The following ZMYND8 variants were observed in gnomAD, a reference collection of about 807,000 sequenced individuals.
ZMYND8 encodes zinc finger MYND-type containing 8, also known as MYND-type zinc finger-containing chromatin reader ZMYND8.
ZMYND8 carries 37 observed loss-of-function variants against 140.8 expected under a neutral mutation model. That is an observed-to-expected ratio of 0.26 (90% CI 0.20 to 0.35). The LOEUF (loss-of-function observed/expected upper bound fraction) is 0.35, where lower values mean the gene tolerates loss of function less well. Among genes scored for constraint, ZMYND8 ranks in the 10% least tolerant of loss-of-function variants. The pLI is 1.00. For synonymous variants in ZMYND8, 592 were observed against 597.1 expected, an observed-to-expected ratio of 0.99 and a Z score of 0.12; for missense variants, 1,068 against 1,570.0, an observed-to-expected ratio of 0.68 and a Z score of 5.40.
chr20:47,296,895 G>A (rs949212220), intron 4 of ZMYND8, among the ~76,000 whole-genome samples: 1 of 152,166 alleles, frequency 6.6e-6, no homozygotes, highest in African/African-American at 2.4e-5. Flanking sequence ...GGTCAGGGCT[G>A]CAGTGAGCAA....
At chr20:47,295,973 G>A (rs980968943) in intron 4 of ZMYND8, among the ~76,000 whole-genome samples, 1 of 152,030 alleles carries the variant, frequency 6.6e-6, no homozygotes, top group South Asian at 2.1e-4. Flanking sequence ...CCTCCAAAAG[G>A]AACTCTCAGA....
intron 3 of ZMYND8, among the ~76,000 whole-genome samples, chr20:47,303,009 A>C (rs1004171345): frequency 6.6e-6 from 1 of 152,136 alleles, no homozygotes; most frequent in Admixed American, 6.5e-5. Context: ...TAATACTCTA[A>C]CACCCTCACA....
intron 2 of ZMYND8, among the ~76,000 whole-genome samples, chr20:47,312,030 C>G (rs539477879): frequency 6.6e-6 from 1 of 152,096 alleles, no homozygotes; most frequent in Non-Finnish European, 1.5e-5. Context: ...TCCTGAGGAA[C>G]GAAAGCTACA....
chr20:47,252,383 A>G (rs914541754), intron 12 of ZMYND8, among the ~76,000 whole-genome samples: 79 of 151,812 alleles, frequency 5.2e-4, no homozygotes, highest in Admixed American at 5.2e-3. Context: ...CAAATGTGAC[A>G]GCAAAGGGGG....
At chr20:47,297,978 A>G (rs1002617020) in intron 4 of ZMYND8, among the ~76,000 whole-genome samples, 2 of 152,032 alleles carry the variant, frequency 1.3e-5, no homozygotes, top group Admixed American at 1.3e-4. Context: ...TTGTCCCCCA[A>G]ATGGCTGCAT....
intron 16 of ZMYND8, among the ~76,000 whole-genome samples, chr20:47,231,526 T>G (rs1245832724): frequency 6.6e-6 from 1 of 152,188 alleles, no homozygotes; most frequent in Non-Finnish European, 1.5e-5. Flanking sequence ...AAATACCCAT[T>G]CATCTTATTT....
At chr20:47,329,738 G>C (rs1300825663) in intron 2 of ZMYND8, among the ~76,000 whole-genome samples, 2 of 152,170 alleles carry the variant, frequency 1.3e-5, no homozygotes, top group East Asian at 3.9e-4. Context: ...CGTACAGCTA[G>C]TGGCGACTGT....
Position 47,347,888 on chromosome 20 carries a change from A to G in ZMYND8, c.53T>C (p.Val18Ala). 6.2e-7 allele frequency: 1 copy of G among 1,614,026 alleles called. No individual in the cohort carries two copies. Among genetic ancestry groups the G allele is most frequent in the Non-Finnish European group, 8.5e-7 (1 of 1,180,032 alleles). ...GCGAGTAGAGATATCCATGCCCTCT[A>G]CCACCTCCTGTTCTGTTTTTATTTC... ...EEEIKTEQEVVEGMDISTRSK... is the reference protein window; with the variant it reads ...EEEIKTEQEVAEGMDISTRSK... The change falls in exon 2 of 23, where the codon GTA (valine) becomes GCA (alanine). Residue 18 changes from valine (V) to alanine (A), a missense_variant. Transcript: ENST00000471951.
chr20:47,297,372 C>T (rs1376754696), intron 4 of ZMYND8, among the ~76,000 whole-genome samples: 1 of 152,082 alleles, frequency 6.6e-6, no homozygotes, highest in Non-Finnish European at 1.5e-5. Context: ...ATGATCTTTC[C>T]ATTTCACACA....
At chr20:47,222,836 C>G (rs1198000045) in intron 19 of ZMYND8, among the ~76,000 whole-genome samples, 2 of 152,374 alleles carry the variant, frequency 1.3e-5, no homozygotes, top group East Asian at 3.9e-4. Flanking sequence ...CAAGAGCTGG[C>G]AAGCTAGTGC....
intron 22 of ZMYND8, 26 bp from the exon 23 acceptor site, chr20:47,210,923 G>A (rs748267620): frequency 1.9e-6 from 3 of 1,607,198 alleles, no homozygotes; most frequent in East Asian, 2.2e-5. Flanking sequence ...AATGTGTTTA[G>A]CGTGCCTGCC....
At position 47,344,559 on chromosome 20, in the gene ZMYND8, T is replaced by C. The variant is rs555393039; in HGVS notation, c.85+3297A>G. On this transcript the variant is annotated intron_variant, in intron 2 of 22. Coordinates refer to ENST00000471951, the MANE Select transcript of ZMYND8 (RefSeq NM_001281775.3). ...GACAACTAAATGTAATGAGGAATCCTGAGTGGGATTCTAAAACGGAAAAGG... is the reference window on the plus strand; with the variant it reads ...GACAACTAAATGTAATGAGGAATCCCGAGTGGGATTCTAAAACGGAAAAGG... 1.1e-4 allele frequency among the ~76,000 whole-genome samples: 16 copies of C among 152,328 alleles called. No homozygotes were observed. In the South Asian group the frequency reaches 2.9e-3, roughly 28 times the overall value.
intron 8 of ZMYND8, among the ~76,000 whole-genome samples, chr20:47,284,704 C>T (rs574494420): frequency 3.0e-4 from 45 of 152,120 alleles, no homozygotes; most frequent in African/African-American, 1.0e-3. Flanking sequence ...GACGACAATC[C>T]GAAAATTCAA....
At chr20:47,257,166 C>G (rs2074797692) in intron 12 of ZMYND8, among the ~76,000 whole-genome samples, 1 of 152,076 alleles carries the variant, frequency 6.6e-6, no homozygotes, top group Admixed American at 6.6e-5. Context: ...GGAAAGGCCC[C>G]AGACAGCAAA....
chr20:47,348,196 A>G, intron 1 of ZMYND8: 1 of 462,250 alleles, frequency 2.2e-6, no homozygotes, highest in Non-Finnish European at 4.0e-6. Flanking sequence ...AATTTTTTAG[A>G]CACACAATTA....
At position 47,260,906 on chromosome 20, in the gene ZMYND8, G is replaced by A. The variant is rs141287547; in HGVS notation, c.1621+1382C>T. 1.5e-4 allele frequency among the ~76,000 whole-genome samples: 23 copies of A among 152,300 alleles called. No individual in the cohort carries two copies. In the South Asian group the frequency reaches 2.3e-3, roughly 15 times the overall value. ...ATGTTCAAGAAAAATCAATGGTGAG[G>A]ATGCAATGAATCAATCAATAATGAA... On this transcript the variant is annotated intron_variant, in intron 12 of 22. Coordinates refer to ENST00000471951, the MANE Select transcript of ZMYND8 (RefSeq NM_001281775.3).
At chr20:47,349,777 A>G in intron 1 of ZMYND8, 1 of 1,509,402 alleles carries the variant, frequency 6.6e-7, no homozygotes, top group Non-Finnish European at 8.9e-7. Flanking sequence ...TTTGAGTAAT[A>G]GAGAAAACGC....
chr20:47,293,817 T>TAC (rs2077456331), intron 5 of ZMYND8, among the ~76,000 whole-genome samples: 1 of 152,162 alleles, frequency 6.6e-6, no homozygotes, highest in African/African-American at 2.4e-5. Flanking sequence ...TTTTAATCCC[T>TAC]ACATGTCAAG....
intron 2 of ZMYND8, among the ~76,000 whole-genome samples, chr20:47,340,613 G>T (rs547317074): frequency 2.0e-5 from 3 of 152,044 alleles, no homozygotes; most frequent in African/African-American, 7.2e-5. Flanking sequence ...GGCCAACATG[G>T]TGAAAACCCA....
Sources: gnomAD v4.1 joint callset for allele counts (sites outside exome capture counted in the v4.1 genomes callset) on GRCh38, gnomAD v4.1.1 for gene constraint, MANE v1.5 for transcripts, NCBI Gene and HGNC (gene_info 2026-07-23, HGNC 2026-07-21) for gene names.